Variants in EFCAB11 observed in about 807,000 individuals in gnomAD.
EFCAB11 encodes the protein EF-hand calcium-binding domain-containing protein 11.
In EFCAB11, 14 loss-of-function variants were observed where a neutral mutation model predicts 23.0. The ratio of observed to expected loss-of-function variants is 0.61; its 90% confidence interval spans 0.40 to 0.95. The LOEUF is 0.95. Ranked by LOEUF, EFCAB11 falls within the 40% of genes least tolerant of loss-of-function variation. The probability of loss-of-function intolerance (pLI) is 0.00; values close to 1 mark genes in which losing one functional copy is unlikely to be tolerated. For synonymous variants in EFCAB11, 65 were observed against 66.6 expected, an observed-to-expected ratio of 0.98 and a Z score of 0.11; for missense variants, 198 against 195.8, an observed-to-expected ratio of 1.01 and a Z score of -0.07.
intron 5 of EFCAB11, among the ~76,000 whole-genome samples, chr14:89,813,526 T>TTGTTTTGTTTTGTTTTGTTTTTC (rs1886220976): frequency 6.6e-6 from 1 of 152,026 alleles, no homozygotes; most frequent in African/African-American, 2.4e-5. Context: ...GTTTGTTTTT[T>TTGTTTTGTTTTGTTTTGTTTTTC]TGTTTTGTTT....
intron 3 of EFCAB11, among the ~76,000 whole-genome samples, chr14:89,942,824 A>C (rs1341060505): frequency 6.6e-6 from 1 of 152,160 alleles, no homozygotes; most frequent in East Asian, 1.9e-4. Flanking sequence ...CTTTACTCTT[A>C]TTTCTACTAG....
At position 89,910,424 on chromosome 14, in the gene EFCAB11, C is replaced by T. The variant is rs891684920; in HGVS notation, c.410+21117G>A. ...ACCAGCCTGGCCAACATGGTGAAAC[C>T]CTATCTCTACTAAAAATACAAAAAT... is the stretch of plus-strand genomic sequence containing the variant. On this transcript the variant is annotated intron_variant, in intron 5 of 5. Transcript: ENST00000316738. 2.6e-5 allele frequency among the ~76,000 whole-genome samples: 4 copies of T among 152,024 alleles called. No homozygotes were observed. The South Asian group carries it at 6.2e-4, about 24-fold the overall frequency.
chr14:89,872,947 C>T (rs1038844887), intron 5 of EFCAB11, among the ~76,000 whole-genome samples: 4 of 152,110 alleles, frequency 2.6e-5, no homozygotes, highest in Non-Finnish European at 5.9e-5. Context: ...CAGAAGGGAC[C>T]AACCCTGTTG....
intron 5 of EFCAB11, among the ~76,000 whole-genome samples, chr14:89,884,768 A>G (rs1040578235): frequency 6.6e-6 from 1 of 152,162 alleles, no homozygotes; most frequent in Non-Finnish European, 1.5e-5. Flanking sequence ...CGAATCCCTC[A>G]CCCACAATGT....
At chr14:89,820,121 G>A (rs1331890589) in intron 5 of EFCAB11, among the ~76,000 whole-genome samples, 7 of 151,998 alleles carry the variant, frequency 4.6e-5, no homozygotes, top group Admixed American at 4.6e-4. Flanking sequence ...CAAAAGCCTA[G>A]GATTACATAA....
chr14:89,867,635 T>G lies in EFCAB11; in HGVS notation c.410+63906A>C, dbSNP rs151301036. Among the ~76,000 whole-genome samples the G allele has an allele frequency of 1.3e-4, 20 of 152,350 alleles. No individual in the cohort carries two copies. The East Asian group carries it at 3.9e-3, about 29-fold the overall frequency. On this transcript the variant is annotated intron_variant, in intron 5 of 5. Coordinates refer to ENST00000316738, the MANE Select transcript of EFCAB11 (RefSeq NM_145231.4). ...TAATCTACCCTTGCTTGACTTAATATGCATTTAATAAGTATTTTGTTTTAA... is the reference window on the plus strand; with the variant it reads ...TAATCTACCCTTGCTTGACTTAATAGGCATTTAATAAGTATTTTGTTTTAA...
chr14:89,951,072 C>T (rs1891147911), intron 2 of EFCAB11, among the ~76,000 whole-genome samples: 1 of 151,550 alleles, frequency 6.6e-6, no homozygotes, highest in South Asian at 2.1e-4. Context: ...TTTCAGATTG[C>T]TACATCTCAG....
intron 5 of EFCAB11, among the ~76,000 whole-genome samples, chr14:89,797,581 G>A (rs1190019734): frequency 6.7e-6 from 1 of 150,326 alleles, no homozygotes; most frequent in Non-Finnish European, 1.5e-5. Flanking sequence ...GATTATATAA[G>A]AAAAAAAGAA....
chr14:89,950,264 C>A, intron 2 of EFCAB11, 122 bp from the exon 3 acceptor site: 1 of 1,025,942 alleles, frequency 9.7e-7, no homozygotes, highest in Non-Finnish European at 1.4e-6. Flanking sequence ...TTGAACCAAG[C>A]AGACAAGTAA....
chr14:89,850,813 C>T (rs1377797612), intron 5 of EFCAB11, among the ~76,000 whole-genome samples: 1 of 152,180 alleles, frequency 6.6e-6, no homozygotes, highest in Admixed American at 6.5e-5. Context: ...GGATTTCACG[C>T]TACATGGCCT....
At chr14:89,940,978 C>T (rs17260562) in intron 3 of EFCAB11, among the ~76,000 whole-genome samples, 11,107 of 152,272 alleles carry the variant, frequency 0.073, 717 homozygotes, top group South Asian at 0.22. Context: ...TTGGAACACA[C>T]AGCCTTTGCC....
intron 5 of EFCAB11, among the ~76,000 whole-genome samples, chr14:89,878,420 C>T (rs1238669648): frequency 6.6e-6 from 1 of 151,992 alleles, no homozygotes; most frequent in Non-Finnish European, 1.5e-5. Context: ...TCAGATGCTA[C>T]CCACTATTTA....
intron 5 of EFCAB11, among the ~76,000 whole-genome samples, chr14:89,884,217 T>C (rs1419181491): frequency 1.3e-5 from 2 of 152,178 alleles, no homozygotes; most frequent in Admixed American, 1.3e-4. Flanking sequence ...CATTTACTAA[T>C]GGTACAATAG....
chr14:89,858,428 T>C (rs913622468), intron 5 of EFCAB11, among the ~76,000 whole-genome samples: 3 of 152,198 alleles, frequency 2.0e-5, no homozygotes, highest in African/African-American at 7.2e-5. Flanking sequence ...GTCAGGGAAA[T>C]TTGTTACTCA....
At chr14:89,806,861 T>C (rs1321538015) in intron 5 of EFCAB11, among the ~76,000 whole-genome samples, 1 of 152,216 alleles carries the variant, frequency 6.6e-6, no homozygotes, top group East Asian at 1.9e-4. Flanking sequence ...CTAGTATCTT[T>C]GTATGCAGAA....
Position 89,838,603 on chromosome 14 carries a change from A to G in EFCAB11, c.411-41279T>C, listed in dbSNP as rs147006288. Reference sequence around the variant, plus strand: ...GAGAAAAACAATAACAGCATTTCACATATGTAGAAAAATATTCAAAGAAAC... The same window carrying G: ...GAGAAAAACAATAACAGCATTTCACGTATGTAGAAAAATATTCAAAGAAAC... On this transcript the variant is annotated intron_variant, in intron 5 of 5. Transcript: ENST00000316738. 4.5e-3 allele frequency among the ~76,000 whole-genome samples: 679 copies of G among 152,356 alleles called. 6 individuals are homozygous for G. The highest frequency in any genetic ancestry group is 0.016 in the African/African-American group (650 of 41,568).
rs1197561296 is a variant in EFCAB11 at position 89,885,099 on chromosome 14, T to C, written c.410+46442A>G. On this transcript the variant is annotated intron_variant, in intron 5 of 5. Coordinates refer to ENST00000316738, the MANE Select transcript of EFCAB11 (RefSeq NM_145231.4). Reference sequence around the variant, plus strand: ...CGGACTAGACTAAGACATTCAGTCATGCTGCTGGTGTAAGACCAGCATATA... The same window carrying C: ...CGGACTAGACTAAGACATTCAGTCACGCTGCTGGTGTAAGACCAGCATATA... Among the ~76,000 whole-genome samples, 4 of 152,370 alleles carry C rather than the reference T, an allele frequency of 2.6e-5. No homozygotes were observed. The East Asian group carries it at 7.7e-4, about 29-fold the overall frequency.
chr14:89,954,732 C>T, upstream of EFCAB11: 1 of 1,553,708 alleles, frequency 6.4e-7, no homozygotes. Flanking sequence ...TGGCAGCCTA[C>T]CGCGGCCACG....
chr14:89,889,144 A>T (rs1277195182), intron 5 of EFCAB11, among the ~76,000 whole-genome samples: 1 of 152,206 alleles, frequency 6.6e-6, no homozygotes, highest in Non-Finnish European at 1.5e-5. Flanking sequence ...CCATGAAACA[A>T]CACTGAAGAT....
Sources: allele counts gnomAD v4.1 joint callset (sites outside exome capture counted in the v4.1 genomes callset), GRCh38; gene constraint gnomAD v4.1.1; transcripts MANE v1.5; gene names NCBI Gene and HGNC (gene_info 2026-07-23, HGNC 2026-07-21).